DST: variants seen among roughly 807,000 people sequenced by gnomAD.
The protein encoded by DST is bullous pemphigoid antigen.
DST carries 253 observed loss-of-function variants against 875.2 expected under a neutral mutation model. That is an observed-to-expected ratio of 0.29 (90% CI 0.26 to 0.32). The LOEUF is 0.32. Among genes scored for constraint, DST ranks in the 10% least tolerant of loss-of-function variants. DST has a pLI of 1.00. For synonymous variants in DST, 3,124 were observed against 3,197.1 expected (o/e 0.98, Z 0.77); for missense variants, 8,287 against 9,111.6 (o/e 0.91, Z 3.68).
intron 4 of DST, among the ~76,000 whole-genome samples, chr6:56,818,311 C>T (rs1050977256): frequency 2.0e-5 from 3 of 151,830 alleles, no homozygotes; most frequent in African/African-American, 7.3e-5. Flanking sequence ...GGAGGGAAAG[C>T]AGGGGGGGAA....
At chr6:56,532,887 T>C (rs1395024069) in intron 63 of DST, among the ~76,000 whole-genome samples, 3 of 152,118 alleles carry the variant, frequency 2.0e-5, no homozygotes, top group Admixed American at 6.5e-5. Context: ...TCAACAACTA[T>C]CTGTCCTGTC....
chr6:56,492,124 A>G lies in DST; in HGVS notation c.20757+103T>C, dbSNP rs2095768549. ...ACCATGGCACCATGCCATGATTGTT[A>G]TGCCTAATACAGCCTGTGATAAAAG... On this transcript the variant is annotated intron_variant, in intron 85 of 103. Coordinates refer to ENST00000680361, the MANE Select transcript of DST (RefSeq NM_001374736.1). The G allele has an allele frequency of 3.9e-6, 4 of 1,032,110 alleles. No homozygotes were observed. The East Asian group carries it at 1.0e-4, about 26-fold the overall frequency. The allele number at this position is 1,032,110 out of a possible 1,614,324, so 63.9% of individuals were successfully genotyped here.
chr6:56,874,234 G>T (rs1202405151), intron 3 of DST, among the ~76,000 whole-genome samples: 1 of 152,090 alleles, frequency 6.6e-6, no homozygotes, highest in Non-Finnish European at 1.5e-5. Flanking sequence ...AACACTTTGG[G>T]AGGCCAGGGT....
intron 2 of DST, among the ~76,000 whole-genome samples, chr6:56,920,445 C>T (rs1803496075): frequency 1.3e-5 from 2 of 152,190 alleles, no homozygotes; most frequent in South Asian, 2.1e-4. Flanking sequence ...GTCTCTAGCT[C>T]GCTCACCATG....
At chr6:56,846,381 T>G (rs2099807161) in intron 4 of DST, among the ~76,000 whole-genome samples, 1 of 152,216 alleles carries the variant, frequency 6.6e-6, no homozygotes, top group South Asian at 2.1e-4. Flanking sequence ...AAAGTCTGAT[T>G]CTCCTTTGAT....
intron 4 of DST, among the ~76,000 whole-genome samples, chr6:56,776,036 C>A (rs773745416): frequency 3.9e-5 from 6 of 152,176 alleles, no homozygotes; most frequent in African/African-American, 7.2e-5. Flanking sequence ...TTACCGCAGT[C>A]AGGTAATCAA....
chr6:56,553,113 T>G lies in DST; in HGVS notation c.15679A>C (p.Asn5227His). 6.2e-7 allele frequency: 1 copy of G among 1,614,028 alleles called. No homozygotes were observed. Among genetic ancestry groups the G allele is most frequent in the Middle Eastern group, 1.6e-4 (1 of 6,062 alleles). Residue 5227 changes from asparagine (N) to histidine (H), a missense_variant, in exon 61 of 104, where the codon AAC becomes CAC. By Grantham distance (68) the Asn-to-His change is moderately conservative. Transcript: ENST00000680361. ...ACACTGAGCAAGCTATTGGCTGTGT[T>G]GTTCAGTAATTCTACCATACCAAAG... ...QHFGMVELLN[N>H]TANSLLSVCE...
chr6:56,845,657 T>C (rs1390800584), intron 4 of DST, among the ~76,000 whole-genome samples: 1 of 152,248 alleles, frequency 6.6e-6, no homozygotes, highest in Non-Finnish European at 1.5e-5. Context: ...CTGAAAGTCA[T>C]TCATTTACAG....
intron 3 of DST, among the ~76,000 whole-genome samples, chr6:56,899,561 C>T (rs1793043711): frequency 6.6e-6 from 1 of 152,168 alleles, no homozygotes; most frequent in African/African-American, 2.4e-5. Flanking sequence ...CTTGATGGCT[C>T]CCCTATGTTG....
At chr6:56,618,711 T>G (rs765425815) in intron 36 of DST, 2 of 1,613,840 alleles carry the variant, frequency 1.2e-6, no homozygotes, top group Non-Finnish European at 8.5e-7. Flanking sequence ...TCAAGCCTAA[T>G]GCCTGAAATA....
At chr6:56,467,718 TG>T (rs2094652465) in intron 98 of DST, among the ~76,000 whole-genome samples, 1 of 152,142 alleles carries the variant, frequency 6.6e-6, no homozygotes, top group Non-Finnish European at 1.5e-5. Flanking sequence ...TCAAGTGTAA[TG>T]AATACAAATA....
intron 4 of DST, among the ~76,000 whole-genome samples, chr6:56,822,720 C>A (rs570440972): frequency 1.3e-5 from 2 of 151,958 alleles, no homozygotes; most frequent in Admixed American, 6.6e-5. Context: ...TATGTGCTGA[C>A]CCTAGCAGTA....
chr6:56,799,185 G>A (rs973289214), intron 4 of DST, among the ~76,000 whole-genome samples: 2 of 152,024 alleles, frequency 1.3e-5, no homozygotes, highest in Non-Finnish European at 2.9e-5. Flanking sequence ...TTCTACTGTG[G>A]GTAAAATGCT....
chr6:56,552,491 G>A lies in DST; in HGVS notation c.16301C>T (p.Ala5434Val). 6.2e-7 allele frequency: 1 copy of A among 1,613,844 alleles called. No homozygotes were observed. Among genetic ancestry groups the A allele is most frequent in the Non-Finnish European group, 8.5e-7 (1 of 1,179,860 alleles). Residue 5434 changes from alanine (A) to valine (V), a missense_variant, in exon 61 of 104, where the codon GCC (alanine) becomes GTC (valine). This residue lies in a region of DST where 777 missense variants were observed against 764.8 expected (regional missense o/e 1.02). Transcript: ENST00000680361. ...TIKAFLKKLE[A>V]LMASNDNANK... is the part of the protein sequence containing the mutation. ...GGCATTGTCATTGCTTGCCATGAGG[G>A]CTTCTAGTTTCTTTAGAAAGGCTTT...
At chr6:56,561,674 A>G in intron 56 of DST, 125 bp from the exon 57 acceptor site, 2 of 853,026 alleles carry the variant, frequency 2.3e-6, no homozygotes, top group Non-Finnish European at 3.5e-6. Context: ...AGCCTAGTAG[A>G]TAAAGTCATA....
At chr6:56,642,996 TTCG>T in intron 15 of DST, 1 of 1,261,094 alleles carries the variant, frequency 7.9e-7, no homozygotes, top group Non-Finnish European at 1.1e-6. Context: ...CCTAAAGCCA[TTCG>T]TTTGCTAGCT....
chr6:56,789,430 AC>A (rs1332467126), intron 4 of DST, among the ~76,000 whole-genome samples: 2 of 152,226 alleles, frequency 1.3e-5, no homozygotes, highest in Admixed American at 6.5e-5. Context: ...TGCTGTGCTT[AC>A]TTTTTTTAAT....
intron 80 of DST, among the ~76,000 whole-genome samples, chr6:56,499,873 A>G (rs558065062): frequency 6.6e-6 from 1 of 152,256 alleles, no homozygotes; most frequent in African/African-American, 2.4e-5. Flanking sequence ...TTTTGTTGCT[A>G]GGCAGTTGGT....
chr6:56,639,907 T>C (rs748656494), intron 19 of DST, 22 bp downstream of exon 19: 25 of 1,608,268 alleles, frequency 1.6e-5, no homozygotes, highest in African/African-American at 1.5e-4. Flanking sequence ...ATGAAATATA[T>C]ACAAATTTTA....
Sources: gnomAD v4.1 joint callset for allele counts (sites outside exome capture counted in the v4.1 genomes callset) on GRCh38, gnomAD v4.1.1 for gene constraint, gnomAD v4.1.1 regional missense constraint, MANE v1.5 for transcripts, NCBI Gene and HGNC (gene_info 2026-07-23, HGNC 2026-07-21) for gene names.